The following PLCXD2 variants were observed in gnomAD, a reference collection of about 807,000 sequenced individuals.
PLCXD2 encodes the protein PI-PLC X domain-containing protein 2.
PLCXD2 carries 21 observed loss-of-function variants against 28.6 expected under a neutral mutation model. The observed-to-expected ratio is 0.73, with a 90% CI of 0.52 to 1.06. The LOEUF (loss-of-function observed/expected upper bound fraction) is 1.06. Among genes scored for constraint, PLCXD2 ranks in the 50% least tolerant of loss-of-function variants. The pLI is 0.00. For synonymous variants in PLCXD2, 140 were observed against 150.1 expected (o/e 0.93, Z 0.49); for missense variants, 369 against 376.7 (o/e 0.98, Z 0.17).
At chr3:111,704,336 C>T (rs1160305171) in intron 1 of PLCXD2, among the ~76,000 whole-genome samples, 2 of 152,160 alleles carry the variant, frequency 1.3e-5, no homozygotes, top group Non-Finnish European at 2.9e-5. Context: ...AAATTAGCTT[C>T]CGTATGAGTT....
chr3:111,678,162 A>G (rs1940653074), intron 1 of PLCXD2, among the ~76,000 whole-genome samples: 2 of 152,374 alleles, frequency 1.3e-5, no homozygotes, highest in South Asian at 2.1e-4. Context: ...TGCCTAAGTC[A>G]TGATGGGAGA....
intron 1 of PLCXD2, among the ~76,000 whole-genome samples, chr3:111,678,808 C>T (rs1264390334): frequency 6.6e-6 from 1 of 151,894 alleles, no homozygotes; most frequent in African/African-American, 2.4e-5. Flanking sequence ...TGTTCTTTGT[C>T]CAATGTAGAA....
intron 3 of PLCXD2, chr3:111,724,266 T>A (rs1941386102): frequency 6.6e-6 from 1 of 152,172 alleles, no homozygotes; most frequent in African/African-American, 2.4e-5. Context: ...TTAAACTCAA[T>A]GGTAATTACT....
intron 2 of PLCXD2, among the ~76,000 whole-genome samples, chr3:111,711,213 G>T (rs1342744189): frequency 6.6e-6 from 1 of 152,068 alleles, no homozygotes; most frequent in Non-Finnish European, 1.5e-5. Flanking sequence ...AAAGCAGCCT[G>T]GCCAACGTGG....
chr3:111,708,463 A>C, intron 2 of PLCXD2, 77 bp downstream of exon 2: 1 of 1,330,390 alleles, frequency 7.5e-7, no homozygotes, highest in Non-Finnish European at 1.0e-6. Flanking sequence ...CCGTCTGTAA[A>C]ATCACTCAAT....
At chr3:111,716,711 C>T (rs1941271758) in intron 3 of PLCXD2, among the ~76,000 whole-genome samples, 1 of 152,114 alleles carries the variant, frequency 6.6e-6, no homozygotes, top group African/African-American at 2.4e-5. Flanking sequence ...TTGTGTTGTG[C>T]CCCGTCCCAT....
At chr3:111,712,117 G>A (rs1356036050) in intron 2 of PLCXD2, among the ~76,000 whole-genome samples, 2 of 152,186 alleles carry the variant, frequency 1.3e-5, no homozygotes, top group Non-Finnish European at 2.9e-5. Flanking sequence ...TGTACAGTGG[G>A]AGTTGGTTTG....
rs144580460 is a variant in PLCXD2, at chr3:111,723,674, A to G, written c.867-8945A>G. Reference sequence around the variant, plus strand: ...CTGCCTCAAGAAAAAGTTGCTTAACATATTGTAAAGGATGTGTGCCTTCTG... The same window carrying G: ...CTGCCTCAAGAAAAAGTTGCTTAACGTATTGTAAAGGATGTGTGCCTTCTG... On this transcript the variant is annotated intron_variant, in intron 3 of 4. Coordinates refer to ENST00000477665, the MANE Select transcript of PLCXD2 (RefSeq NM_001185106.1). The G allele has an allele frequency of 7.7e-4, 117 of 152,336 alleles. 1 individual carries two copies. Among genetic ancestry groups the G allele is most frequent in the African/African-American group, 2.5e-3 (103 of 41,578 alleles). The allele number at this position is 152,336 out of a possible 1,614,324, so 9.4% of individuals were successfully genotyped here. A position where few individuals can be genotyped will look rare whatever the true frequency, so the allele number is the denominator to read the frequency against.
intron 2 of PLCXD2, 128 bp downstream of exon 2, chr3:111,708,514 A>C (rs542987107): frequency 2.3e-6 from 2 of 858,530 alleles, no homozygotes; most frequent in African/African-American, 3.4e-5. Flanking sequence ...TTGGAATATT[A>C]AACATATGCA....
At chr3:111,724,824 C>T (rs1398051327) in intron 3 of PLCXD2, 2 of 152,200 alleles carry the variant, frequency 1.3e-5, no homozygotes, top group African/African-American at 4.8e-5. Flanking sequence ...TGAGACTCCG[C>T]TCCGTTAGCT....
chr3:111,712,261 A>G (rs549295428), intron 2 of PLCXD2, among the ~76,000 whole-genome samples: 1 of 152,332 alleles, frequency 6.6e-6, no homozygotes, highest in South Asian at 2.1e-4. Context: ...TCCAAGGCAG[A>G]GTAAAGAATG....
rs560292300 is a variant in PLCXD2 at position 111,688,559 on chromosome 3, C to A, written c.163+13151C>A. On this transcript the variant is annotated intron_variant, in intron 1 of 4. Coordinates refer to ENST00000477665, the MANE Select transcript of PLCXD2 (RefSeq NM_001185106.1). ...ACATGGCTGACCTAAGTATCCAGCC[C>A]CTTCAGAGGTTAAGCCCATGCCCAT... 2.6e-5 allele frequency among the ~76,000 whole-genome samples: 4 copies of A among 152,262 alleles called. No homozygotes were observed. The South Asian group carries it at 8.3e-4, about 32-fold the overall frequency.
intron 2 of PLCXD2, among the ~76,000 whole-genome samples, chr3:111,713,382 C>T (rs1327337314): frequency 1.3e-5 from 2 of 152,214 alleles, no homozygotes; most frequent in Admixed American, 1.3e-4. Context: ...TTTTTATCTC[C>T]CTAGATGCGT....
intron 1 of PLCXD2, among the ~76,000 whole-genome samples, chr3:111,685,506 C>T (rs1416708421): frequency 2.0e-5 from 3 of 152,150 alleles, no homozygotes; most frequent in African/African-American, 4.8e-5. Context: ...TCTCAGGTTG[C>T]ACCAATAAGC....
intron 1 of PLCXD2, among the ~76,000 whole-genome samples, chr3:111,676,263 G>A (rs1314635634): frequency 6.6e-6 from 1 of 152,178 alleles, no homozygotes. Flanking sequence ...TAGAAGCAGG[G>A]GATGGACTAC....
intron 1 of PLCXD2, among the ~76,000 whole-genome samples, chr3:111,686,718 T>C (rs1166300373): frequency 1.3e-5 from 2 of 152,216 alleles, no homozygotes; most frequent in Non-Finnish European, 2.9e-5. Context: ...AGTGTGAGAT[T>C]GGTGGCTCCA....
At chr3:111,683,309 T>C (rs1940745582) in intron 1 of PLCXD2, among the ~76,000 whole-genome samples, 1 of 152,090 alleles carries the variant, frequency 6.6e-6, no homozygotes, top group East Asian at 1.9e-4. Flanking sequence ...TCTGGTGTGG[T>C]TAGAGCATGG....
In PLCXD2 at chr3:111,713,901, C is replaced by T. The variant is rs1474958267; in HGVS notation, c.639C>T (p.Tyr213=). 1 of 1,613,240 alleles carries T rather than the reference C, an allele frequency of 6.2e-7. No homozygotes were observed. Among genetic ancestry groups the T allele is most frequent in the Non-Finnish European group, 8.5e-7 (1 of 1,179,468 alleles). Residue 213 remains tyrosine, a synonymous_variant, in exon 3 of 5, where the codon TAC becomes TAT. Transcript: ENST00000477665. ...GAATATTTCAGGTTCTTATTTTCTA[C>T]CACTGTCCCTTCTACAAGCAGTACC...
At chr3:111,703,649 G>A (rs981503651) in intron 1 of PLCXD2, among the ~76,000 whole-genome samples, 1 of 152,140 alleles carries the variant, frequency 6.6e-6, no homozygotes, top group African/African-American at 2.4e-5. Context: ...TTAAAAAGAA[G>A]AGAGAACTCA....
Sources: gnomAD v4.1 joint callset for allele counts (sites outside exome capture counted in the v4.1 genomes callset) on GRCh38, gnomAD v4.1.1 for gene constraint, MANE v1.5 for transcripts, NCBI Gene and HGNC (gene_info 2026-07-23, HGNC 2026-07-21) for gene names.